Variants in TIMELESS observed in about 807,000 individuals in gnomAD.
TIMELESS encodes the protein protein timeless homolog.
Under a neutral mutation model 164.3 loss-of-function variants are expected in TIMELESS, and 124 were observed. The ratio of observed to expected loss-of-function variants is 0.75; its 90% CI spans 0.65 to 0.88. The LOEUF is 0.88. Among genes scored for constraint, TIMELESS ranks in the 40% least tolerant of loss-of-function variants. TIMELESS has a pLI of 0.00. For missense variants in TIMELESS, 1,422 were observed against 1,491.4 expected, an observed-to-expected ratio of 0.95 and a Z score of 0.77; for synonymous variants, 564 against 563.4, an observed-to-expected ratio of 1.00 and a Z score of -0.02.
chr12:56,433,150 AAG>A (rs552073915), intron 5 of TIMELESS, 23 bp from the exon 6 acceptor site: 51 of 1,609,182 alleles, frequency 3.2e-5, no homozygotes, highest in Admixed American at 1.8e-4. Context: ...GAGTAAGAGG[AAG>A]AGACTCCCTG....
In TIMELESS at chr12:56,420,048, A is replaced by ATATGTG. The variant is rs1473074484; in HGVS notation, c.3228+520_3228+521insCACATA. Among the ~76,000 whole-genome samples the ATATGTG allele has an allele frequency of 7.2e-4, 63 of 87,288 alleles. 1 individual carries two copies. The highest frequency in any genetic ancestry group is 2.5e-3 in the African/African-American group (50 of 19,862). The allele number at this position is 87,288 out of a possible 152,430, so 57.3% of individuals were successfully genotyped here. On this transcript the variant is annotated intron_variant, in intron 26 of 28. Transcript: ENST00000553532. ...AAAAAAAATATATATATATATATAT[A>ATATGTG]TGTGTGTGTGTGTGTGTGTGTGTAT...
At position 56,432,974 on chromosome 12, in the gene TIMELESS, A is replaced by AAAAG. The variant is rs142212258; in HGVS notation, c.531+51_531+52insCTTT. The AAAAG allele has an allele frequency of 1.2e-3, 1,168 of 945,066 alleles. 18 individuals carry two copies. The highest frequency in any genetic ancestry group is 1.4e-3 in the Middle Eastern group (6 of 4,312). 58.5% of individuals were successfully genotyped at this position (945,066 alleles called of 1,614,324 possible). On this transcript the variant is annotated intron_variant, in intron 6 of 28. Transcript: ENST00000553532. ...GTCTCAAAAAAAAAAAAAAAAAAAAAGGCAGCTCAACCTAACCATGCACAA... is the reference window on the plus strand; with the variant it reads ...GTCTCAAAAAAAAAAAAAAAAAAAAAAAAGGGCAGCTCAACCTAACCATGCACAA...
chr12:56,430,068 A>G (rs778519270), intron 10 of TIMELESS, 37 bp downstream of exon 10: 15 of 1,572,234 alleles, frequency 9.5e-6, no homozygotes, highest in Non-Finnish European at 1.3e-5. Flanking sequence ...TGTCTATTCC[A>G]TTCCTGATTA....
intron 1 of TIMELESS, among the ~76,000 whole-genome samples, chr12:56,442,050 C>G (rs968848890): frequency 7.3e-6 from 1 of 136,972 alleles, no homozygotes. Context: ...TGCCACTGCA[C>G]TCCAGCCTGG....
intron 13 of TIMELESS, 132 bp from the exon 14 acceptor site, chr12:56,425,284 G>T: frequency 9.0e-7 from 1 of 1,116,734 alleles, no homozygotes; most frequent in Non-Finnish European, 1.2e-6. Flanking sequence ...ATCGGTAATA[G>T]AAAGCAATAG....
At chr12:56,421,217 AC>A (rs1555176633) in intron 23 of TIMELESS, 83 bp from the exon 24 acceptor site, 11 of 1,589,440 alleles carry the variant, frequency 6.9e-6, no homozygotes, top group South Asian at 2.3e-5. Flanking sequence ...TGACCACCGC[AC>A]CCCCCCGCGC....
At position 56,430,181 on chromosome 12, in the gene TIMELESS, T is replaced by C. The variant is rs545073777; in HGVS notation, c.1010A>G (p.Asn337Ser). ...ELSIQRRSALNVRLFLRDFCS... is the reference protein window; with the variant it reads ...ELSIQRRSALSVRLFLRDFCS... ...GAAGTCTCTGAGGAAGAGCCTCACA[T>C]TGAGGGCAGAACGGCGCTGAATGGA... The change falls in exon 10 of 29, where the codon AAT (asparagine) becomes AGT (serine). Residue 337 changes from asparagine to serine, a missense_variant. Coordinates refer to ENST00000553532, the MANE Select transcript of TIMELESS (RefSeq NM_003920.5). The C allele has an allele frequency of 1.1e-5, 18 of 1,613,922 alleles. No individual in the cohort carries two copies. Among genetic ancestry groups the C allele is most frequent in the African/African-American group, 4.0e-5 (3 of 74,870 alleles).
chr12:56,448,541 A>AGTTG (rs1445554447), intron 1 of TIMELESS, among the ~76,000 whole-genome samples: 1 of 150,500 alleles, frequency 6.6e-6, no homozygotes. Flanking sequence ...CCTGACCAAT[A>AGTTG]AGGTGAAACC....
At position 56,422,361 on chromosome 12, in the gene TIMELESS, C is replaced by T. The variant is rs1033544351; in HGVS notation, c.2439-170G>A. ...CCTCCTTCCCCTCACTTTCCTTCCA[C>T]GTAAGAACCTAAAAGTCAAACTAAG... On this transcript the variant is annotated intron_variant, in intron 19 of 28. Transcript: ENST00000553532. The T allele has an allele frequency of 1.3e-5, 8 of 596,288 alleles. No individual in the cohort carries two copies. In the Middle Eastern group the frequency reaches 1.3e-3, roughly 100 times the overall value. 36.9% of individuals were successfully genotyped at this position (596,288 alleles called of 1,614,324 possible).
chr12:56,418,194 G>A lies in TIMELESS; in HGVS notation c.3394C>T (p.Gln1132Ter), dbSNP rs1314339107. The A allele has an allele frequency of 2.5e-6, 4 of 1,614,234 alleles. No individual in the cohort carries two copies. Among genetic ancestry groups the A allele is most frequent in the Non-Finnish European group, 8.5e-7 (1 of 1,180,048 alleles). The change falls in exon 27 of 29, where the codon CAA becomes TAA. Residue 1132 changes from glutamine (Q) to a stop codon, truncating the protein, a stop_gained. Coordinates refer to ENST00000553532, the MANE Select transcript of TIMELESS (RefSeq NM_003920.5). LOFTEE classifies it high-confidence loss of function. Reference protein sequence around the residue: ...DEEHCKEHRAQALRALLLAHK... With the variant: ...DEEHCKEHRA ...GCTAGCAAGAGGGCCCTCAGGGCTT[G>A]TGCTCGGTGCTCTTTACAGTGCTCC...
intron 1 of TIMELESS, among the ~76,000 whole-genome samples, chr12:56,443,484 T>C (rs1414744341): frequency 6.6e-6 from 1 of 152,200 alleles, no homozygotes; most frequent in Non-Finnish European, 1.5e-5. Context: ...ATCAAGACAA[T>C]GTGTGCCCAG....
At position 56,433,622 on chromosome 12, in the gene TIMELESS, C is replaced by A; in HGVS notation, c.282G>T (p.Leu94Phe). Residue 94 changes from leucine to phenylalanine, a missense_variant, in exon 4 of 29, where the codon TTG (leucine) becomes TTT (phenylalanine). Leu to Phe is a conservative substitution (Grantham distance 22, BLOSUM62 0). Transcript: ENST00000553532. ...RLMVNLTQPA[L>F]LCFGNLPKEP... Reference sequence around the variant, plus strand: ...CCTTAGGCAGATTGCCAAAACAGAGCAAGGCTGGTTGTGTCAAGTTCACCA... The same window carrying A: ...CCTTAGGCAGATTGCCAAAACAGAGAAAGGCTGGTTGTGTCAAGTTCACCA... The A allele has an allele frequency of 6.2e-7, 1 of 1,614,172 alleles. No individual in the cohort carries two copies. Among genetic ancestry groups the A allele is most frequent in the Non-Finnish European group, 8.5e-7 (1 of 1,180,044 alleles).
intron 12 of TIMELESS, 36 bp from the exon 13 acceptor site, chr12:56,428,441 T>C (rs1033446522): frequency 1.2e-6 from 2 of 1,606,262 alleles, no homozygotes; most frequent in Admixed American, 1.7e-5. Flanking sequence ...GGAAGGGCTA[T>C]TCTGGAAAGC....
intron 26 of TIMELESS, 65 bp from the exon 27 acceptor site, chr12:56,418,424 A>G (rs1881344671): frequency 3.4e-6 from 4 of 1,183,328 alleles, no homozygotes; most frequent in African/African-American, 1.5e-5. Context: ...TATGATATTC[A>G]TTGAATATAT....
At chr12:56,430,842 A>G in intron 9 of TIMELESS, 39 bp downstream of exon 9, 1 of 1,385,876 alleles carries the variant, frequency 7.2e-7, no homozygotes, top group Non-Finnish European at 1.0e-6. Context: ...AAGCTATGCA[A>G]CTCCACTATG....
chr12:56,425,833 C>G (rs1221475413), intron 13 of TIMELESS, among the ~76,000 whole-genome samples: 4 of 151,882 alleles, frequency 2.6e-5, no homozygotes, highest in Admixed American at 2.6e-4. Flanking sequence ...TGAGATTCAG[C>G]CACTGCACTC....
chr12:56,421,316 A>G (rs1158900135), intron 23 of TIMELESS, 35 bp downstream of exon 23: 1 of 1,605,422 alleles, frequency 6.2e-7, no homozygotes, highest in East Asian at 2.2e-5. Context: ...AAGGGAAGTG[A>G]GCCCATGCCA....
Position 56,433,626 on chromosome 12 carries a change from G to A in TIMELESS, c.278C>T (p.Ala93Val). The A allele has an allele frequency of 1.2e-6, 2 of 1,614,164 alleles. No individual in the cohort carries two copies. The highest frequency in any genetic ancestry group is 8.5e-7 in the Non-Finnish European group (1 of 1,180,052). ...IRLMVNLTQP[A>V]LLCFGNLPKE... is the part of the protein sequence containing the mutation. ...AGGCAGATTGCCAAAACAGAGCAAG[G>A]CTGGTTGTGTCAAGTTCACCATCAG... The change falls in exon 4 of 29, where the codon GCC (alanine) becomes GTC (valine). Residue 93 changes from alanine (A) to valine (V), a missense_variant. Transcript: ENST00000553532.
chr12:56,441,562 A>C (rs1350364732), intron 1 of TIMELESS, among the ~76,000 whole-genome samples: 1 of 151,990 alleles, frequency 6.6e-6, no homozygotes, highest in Non-Finnish European at 1.5e-5. Context: ...AGGAGGTTGA[A>C]GTTGCAACGA....
Sources: gnomAD v4.1 joint callset for allele counts (sites outside exome capture counted in the v4.1 genomes callset) on GRCh38, gnomAD v4.1.1 for gene constraint, MANE v1.5 for transcripts, NCBI Gene and HGNC (gene_info 2026-07-23, HGNC 2026-07-21) for gene names.